MAGI2: variants seen among roughly 807,000 people sequenced by gnomAD.
MAGI2 encodes the protein membrane-associated guanylate kinase, WW and PDZ domain-containing protein 2.
In MAGI2, 35 loss-of-function variants were observed where a neutral mutation model predicts 133.3. The observed-to-expected ratio is 0.26, with a 90% CI of 0.20 to 0.35. MAGI2 has a LOEUF of 0.35. Ranked by LOEUF, MAGI2 falls within the 10% of genes least tolerant of loss-of-function variation. MAGI2 has a pLI of 1.00. For synonymous variants in MAGI2, 729 were observed against 710.6 expected, an observed-to-expected ratio of 1.03 and a Z score of -0.41; for missense variants, 1,636 against 1,863.4, an observed-to-expected ratio of 0.88 and a Z score of 2.25.
chr7:78,975,335 C>A (rs1322611537), intron 2 of MAGI2, among the ~76,000 whole-genome samples: 4 of 151,678 alleles, frequency 2.6e-5, no homozygotes, highest in Non-Finnish European at 5.9e-5. Context: ...GTTCTCAGAT[C>A]ACCAAGAAAT....
chr7:78,184,997 T>C (rs1465940824), intron 13 of MAGI2, among the ~76,000 whole-genome samples: 1 of 152,206 alleles, frequency 6.6e-6, no homozygotes, highest in African/African-American at 2.4e-5. Flanking sequence ...TCTTGAGACC[T>C]TCTAGCTTCT....
chr7:78,432,943 A>G (rs1021087060), intron 6 of MAGI2, among the ~76,000 whole-genome samples: 1 of 152,054 alleles, frequency 6.6e-6, no homozygotes, highest in Non-Finnish European at 1.5e-5. Context: ...CTTTAGTGAG[A>G]AACTTTAATA....
intron 16 of MAGI2, among the ~76,000 whole-genome samples, chr7:78,146,693 A>G (rs765885552): frequency 2.0e-5 from 3 of 152,176 alleles, no homozygotes; most frequent in Non-Finnish European, 2.9e-5. Context: ...TTTCACACCC[A>G]TCAATGTACT....
At chr7:78,716,521 G>A (rs1331722913) in intron 2 of MAGI2, among the ~76,000 whole-genome samples, 1 of 152,144 alleles carries the variant, frequency 6.6e-6, no homozygotes, top group Non-Finnish European at 1.5e-5. Context: ...GAAAGGCAGA[G>A]TGGCCTTTAG....
chr7:79,111,354 A>C (rs1818909678), intron 1 of MAGI2, among the ~76,000 whole-genome samples: 1 of 152,162 alleles, frequency 6.6e-6, no homozygotes, highest in Non-Finnish European at 1.5e-5. Flanking sequence ...TGAACCTTTC[A>C]CTTTCATAGA....
intron 1 of MAGI2, among the ~76,000 whole-genome samples, chr7:79,315,324 A>AGTTTTT (rs1563107001): frequency 2.4e-5 from 2 of 84,096 alleles, no homozygotes; most frequent in African/African-American, 8.3e-5. Flanking sequence ...ATGCCCAGTT[A>AGTTTTT]ATTTTTTTTT....
intron 1 of MAGI2, among the ~76,000 whole-genome samples, chr7:79,376,750 A>C (rs1186967401): frequency 6.6e-6 from 1 of 151,820 alleles, no homozygotes; most frequent in Non-Finnish European, 1.5e-5. Flanking sequence ...TTTTTCATTT[A>C]ATATTTATGT....
At chr7:79,204,919 A>C (rs972497179) in intron 1 of MAGI2, among the ~76,000 whole-genome samples, 8 of 151,984 alleles carry the variant, frequency 5.3e-5, no homozygotes, top group Non-Finnish European at 7.4e-5. Flanking sequence ...TTGAAAATAT[A>C]CAGTAGAGGA....
At chr7:79,166,581 T>C (rs1824940826) in intron 1 of MAGI2, among the ~76,000 whole-genome samples, 1 of 152,136 alleles carries the variant, frequency 6.6e-6, no homozygotes, top group Admixed American at 6.6e-5. Context: ...TGTGGTAATT[T>C]GTTGGGCAGC....
intron 9 of MAGI2, among the ~76,000 whole-genome samples, chr7:78,339,293 A>T (rs1388026605): frequency 2.6e-5 from 4 of 152,232 alleles, no homozygotes; most frequent in African/African-American, 9.6e-5. Flanking sequence ...TGGTTCTTTT[A>T]TCTTGCCTAG....
intron 2 of MAGI2, among the ~76,000 whole-genome samples, chr7:78,809,944 T>G (rs1788900405): frequency 1.3e-5 from 2 of 152,192 alleles, no homozygotes; most frequent in African/African-American, 4.8e-5. Context: ...TCCTTTTAAT[T>G]ACTTCAAGTT....
chr7:78,194,073 C>G (rs867072447), intron 12 of MAGI2, among the ~76,000 whole-genome samples: 14 of 152,188 alleles, frequency 9.2e-5, no homozygotes, highest in Middle Eastern at 3.4e-3. Flanking sequence ...ATCAGCAGAC[C>G]GTAATGGGAG....
intron 10 of MAGI2, among the ~76,000 whole-genome samples, chr7:78,231,528 T>C (rs985277660): frequency 6.6e-6 from 1 of 152,256 alleles, no homozygotes; most frequent in Non-Finnish European, 1.5e-5. Flanking sequence ...ATTCTTAATG[T>C]GTTATTTCAC....
intron 2 of MAGI2, among the ~76,000 whole-genome samples, chr7:78,779,424 A>C (rs1458938867): frequency 1.3e-5 from 2 of 152,210 alleles, no homozygotes; most frequent in Non-Finnish European, 1.5e-5. Flanking sequence ...GCAACTTAAT[A>C]GAACCAAAAT....
intron 21 of MAGI2, among the ~76,000 whole-genome samples, chr7:78,066,488 C>T (rs10486840): frequency 0.11 from 16,005 of 151,228 alleles, 1,490 homozygotes; most frequent in African/African-American, 0.25. Context: ...TCATAGTTGA[C>T]TTGCTGGATA....
intron 1 of MAGI2, among the ~76,000 whole-genome samples, chr7:79,193,088 C>T (rs1031584707): frequency 1.3e-5 from 2 of 151,872 alleles, no homozygotes; most frequent in Non-Finnish European, 2.9e-5. Flanking sequence ...GCTGGGATTA[C>T]AGGTGTGACT....
chr7:78,282,203 T>TA (rs1444644876), intron 9 of MAGI2, among the ~76,000 whole-genome samples: 1 of 152,068 alleles, frequency 6.6e-6, no homozygotes, highest in East Asian at 1.9e-4. Context: ...CCTGGAGACT[T>TA]AAACTCATTT....
At chr7:78,728,024 T>A (rs1820988708) in intron 2 of MAGI2, among the ~76,000 whole-genome samples, 1 of 152,140 alleles carries the variant, frequency 6.6e-6, no homozygotes, top group Non-Finnish European at 1.5e-5. Context: ...GAGGGGGCAA[T>A]TTTTAGATAT....
intron 1 of MAGI2, among the ~76,000 whole-genome samples, chr7:79,194,034 G>T (rs1261898461): frequency 1.3e-5 from 2 of 151,870 alleles, no homozygotes; most frequent in Non-Finnish European, 1.5e-5. Context: ...CCCTTATCCT[G>T]CAAAAGGTCA....
Sources: gnomAD v4.1 joint callset for allele counts (sites outside exome capture counted in the v4.1 genomes callset) on GRCh38, gnomAD v4.1.1 for gene constraint, MANE v1.5 for transcripts, NCBI Gene and HGNC (gene_info 2026-07-23, HGNC 2026-07-21) for gene names.